The following UCHL3 variants were observed in gnomAD, a reference collection of about 807,000 sequenced individuals.
The protein encoded by UCHL3 is ubiquitin C-terminal hydrolase L3, also known as ubiquitin carboxyl-terminal hydrolase isozyme L3.
A neutral mutation model predicts 35.8 loss-of-function variants in UCHL3; 22 were observed. The ratio of observed to expected loss-of-function variants is 0.61; its 90% CI spans 0.44 to 0.88. UCHL3 has a LOEUF of 0.88. UCHL3 is among the 40% of genes least tolerant of loss of function. UCHL3 has a pLI of 0.00. For missense variants in UCHL3, 229 were observed against 276.9 expected (o/e 0.83, Z 1.23); for synonymous variants, 90 against 92.8 (o/e 0.97, Z 0.17).
chr13:75,600,054 C>T (rs1259081333), intron 7 of UCHL3, among the ~76,000 whole-genome samples: 1 of 152,188 alleles, frequency 6.6e-6, no homozygotes, highest in Non-Finnish European at 1.5e-5. Context: ...GATAGAAGAT[C>T]AAACTAGCTA....
chr13:75,566,747 AT>A lies in UCHL3; in HGVS notation c.237del (p.Asp79GlufsTer9). The A allele has an allele frequency of 6.2e-7, 1 of 1,608,288 alleles. No individual in the cohort carries two copies. The highest frequency in any genetic ancestry group is 8.5e-7 in the Non-Finnish European group (1 of 1,177,418). ...GAAAAAATAAAATCTCAGGGACAAG[AT>A]GTTACATCATCAGTATATTTCATGA... ...EEEKIKSQGQ[D>X]VTSSVYFMKQ... On this transcript the variant is annotated frameshift_variant, in exon 4 of 9. Coordinates refer to ENST00000377595, the MANE Select transcript of UCHL3 (RefSeq NM_006002.5). LOFTEE classifies it high-confidence loss of function.
intron 5 of UCHL3, chr13:75,569,048 A>C (rs1199626191): frequency 1.3e-5 from 2 of 153,862 alleles, no homozygotes; most frequent in African/African-American, 4.8e-5. Context: ...ATTAAACATA[A>C]ATACAGCCAG....
At chr13:75,569,774 C>T (rs1345814415) in intron 6 of UCHL3, among the ~76,000 whole-genome samples, 2 of 152,194 alleles carry the variant, frequency 1.3e-5, no homozygotes, top group Non-Finnish European at 2.9e-5. Context: ...GCTGTTTGTG[C>T]GGCTTGGTGG....
chr13:75,569,557 A>G, intron 6 of UCHL3, 50 bp downstream of exon 6: 1 of 1,506,894 alleles, frequency 6.6e-7, no homozygotes, highest in East Asian at 2.3e-5. Flanking sequence ...TAACCATATA[A>G]ATTTCTTGCT....
rs189254123 is a variant in UCHL3 at position 75,562,801 on chromosome 13, C to T, written c.183+1920C>T. Among the ~76,000 whole-genome samples the T allele has an allele frequency of 1.1e-4, 16 of 152,078 alleles. 1 individual carries two copies. The highest frequency in any genetic ancestry group is 3.6e-4 in the African/African-American group (15 of 41,486). On this transcript the variant is annotated intron_variant, in intron 3 of 8. Transcript: ENST00000377595. ...GAAGAACACAGTTCTAAAGTATTTGCGTAAGTAAATTTGTACTTACATAAG... is the reference window on the plus strand; with the variant it reads ...GAAGAACACAGTTCTAAAGTATTTGTGTAAGTAAATTTGTACTTACATAAG...
At chr13:75,588,389 T>C (rs2032386183) in intron 6 of UCHL3, among the ~76,000 whole-genome samples, 2 of 152,148 alleles carry the variant, frequency 1.3e-5, no homozygotes. Context: ...TCTTTCTTCT[T>C]CCCCTATTCT....
At chr13:75,568,327 C>G (rs1169669777) in intron 5 of UCHL3, among the ~76,000 whole-genome samples, 1 of 151,476 alleles carries the variant, frequency 6.6e-6, no homozygotes, top group Non-Finnish European at 1.5e-5. Context: ...TTATGCATTC[C>G]AATATACTTT....
At position 75,567,231 on chromosome 13, in the gene UCHL3, T is replaced by C. The variant is rs764743569; in HGVS notation, c.345T>C (p.Ser115=). Residue 115 remains serine, a synonymous_variant, in exon 5 of 9, where the codon TCT becomes TCC. Coordinates refer to ENST00000377595, the MANE Select transcript of UCHL3 (RefSeq NM_006002.5). ...ANNKDKMHFE[S]GSTLKKFLEE... Reference sequence around the variant, plus strand: ...TATCTTCTTTCATATTCTCAGAATCTGGATCAACCTTGAAAAAATTCCTGG... The same window carrying C: ...TATCTTCTTTCATATTCTCAGAATCCGGATCAACCTTGAAAAAATTCCTGG... The C allele has an allele frequency of 6.2e-7, 1 of 1,614,010 alleles. No homozygotes were observed. The highest frequency in any genetic ancestry group is 8.5e-7 in the Non-Finnish European group (1 of 1,179,942).
intron 6 of UCHL3, among the ~76,000 whole-genome samples, chr13:75,581,742 G>T (rs1017778286): frequency 1.3e-5 from 2 of 150,006 alleles, no homozygotes; most frequent in Admixed American, 6.7e-5. Flanking sequence ...AGCCTTTACA[G>T]CATTTCAAAT....
chr13:75,591,889 T>G (rs2032486940), intron 6 of UCHL3, among the ~76,000 whole-genome samples: 1 of 152,086 alleles, frequency 6.6e-6, no homozygotes. Context: ...CTTACCTGGT[T>G]GAGTATCTCA....
Position 75,566,738 on chromosome 13 carries a change from A to G in UCHL3, c.227A>G (p.Gln76Arg), listed in dbSNP as rs1192788320. The G allele has an allele frequency of 1.9e-6, 3 of 1,601,740 alleles. No homozygotes were observed. The highest frequency in any genetic ancestry group is 2.7e-5 in the African/African-American group (2 of 74,428). ...RTEEEEKIKS[Q>R]GQDVTSSVYF... Reference sequence around the variant, plus strand: ...GAAGAGGAAGAAAAAATAAAATCTCAGGGACAAGATGTTACATCATCAGTA... The same window carrying G: ...GAAGAGGAAGAAAAAATAAAATCTCGGGGACAAGATGTTACATCATCAGTA... The change falls in exon 4 of 9, where the codon CAG (glutamine) becomes CGG (arginine). Residue 76 changes from glutamine (Q) to arginine (R), a missense_variant. Coordinates refer to ENST00000377595, the MANE Select transcript of UCHL3 (RefSeq NM_006002.5).
chr13:75,566,939 C>T (rs1463030316), intron 4 of UCHL3, 88 bp downstream of exon 4: 1 of 1,395,346 alleles, frequency 7.2e-7, no homozygotes. Context: ...ATTCTTTCTT[C>T]AAACTATAAA....
chr13:75,586,425 T>C (rs879704372), intron 6 of UCHL3, among the ~76,000 whole-genome samples: 1 of 150,104 alleles, frequency 6.7e-6, no homozygotes, highest in African/African-American at 2.4e-5. Flanking sequence ...TTCACAATTA[T>C]AGTTGGAGAT....
At chr13:75,557,041 C>T (rs188617331) in intron 2 of UCHL3, among the ~76,000 whole-genome samples, 4 of 152,102 alleles carry the variant, frequency 2.6e-5, no homozygotes, top group East Asian at 3.9e-4. Context: ...CATAGTGAGA[C>T]GTCTCTACTA....
At chr13:75,561,861 A>ATACGTATACG (rs2031525272) in intron 3 of UCHL3, among the ~76,000 whole-genome samples, 2 of 84,746 alleles carry the variant, frequency 2.4e-5, no homozygotes, top group African/African-American at 6.7e-5. Context: ...ATACGTATAC[A>ATACGTATACG]TATATACATA....
intron 6 of UCHL3, among the ~76,000 whole-genome samples, chr13:75,575,044 T>A (rs9318357): frequency 0.57 from 87,357 of 152,080 alleles, 26,923 homozygotes; most frequent in Non-Finnish European, 0.69. Context: ...AACAAGTAGC[T>A]TCATCACTGG....
intron 3 of UCHL3, among the ~76,000 whole-genome samples, chr13:75,562,591 G>A (rs1262733501): frequency 6.6e-6 from 1 of 151,912 alleles, no homozygotes; most frequent in East Asian, 1.9e-4. Context: ...GATACAAATA[G>A]GAGTTTTTTT....
At chr13:75,564,493 C>G (rs566389876) in intron 3 of UCHL3, among the ~76,000 whole-genome samples, 10 of 151,978 alleles carry the variant, frequency 6.6e-5, no homozygotes, top group Non-Finnish European at 1.5e-4. Flanking sequence ...ATCTCCTTTA[C>G]AAGGTGATTG....
chr13:75,594,499 T>C (rs982904538), intron 6 of UCHL3, among the ~76,000 whole-genome samples: 1 of 152,244 alleles, frequency 6.6e-6, no homozygotes, highest in African/African-American at 2.4e-5. Flanking sequence ...GAAAAGAGTT[T>C]CTTTAAGCTG....
Sources: allele counts gnomAD v4.1 joint callset (sites outside exome capture counted in the v4.1 genomes callset), GRCh38; gene constraint gnomAD v4.1.1; transcripts MANE v1.5; gene names NCBI Gene and HGNC (gene_info 2026-07-23, HGNC 2026-07-21).